CFAP92: variants seen among roughly 807,000 people sequenced by gnomAD.
CFAP92 encodes cilia and flagella associated protein 92 (putative), also known as uncharacterized protein CFAP92.
CFAP92 carries 86 observed loss-of-function variants against 106.3 expected under a neutral mutation model. The ratio of observed to expected loss-of-function variants is 0.81; its 90% CI spans 0.68 to 0.97. The LOEUF (loss-of-function observed/expected upper bound fraction) is 0.97. Ranked by LOEUF, CFAP92 falls within the 50% of genes least tolerant of loss-of-function variation. The pLI is 0.00. For synonymous variants in CFAP92, 477 were observed against 506.4 expected, an observed-to-expected ratio of 0.94 and a Z score of 0.78; for missense variants, 1,204 against 1,283.8, an observed-to-expected ratio of 0.94 and a Z score of 0.95.
intron 12 of CFAP92, among the ~76,000 whole-genome samples, chr3:128,932,372 A>C (rs1195002285): frequency 9.7e-6 from 1 of 103,538 alleles, no homozygotes; most frequent in East Asian, 3.4e-4. Context: ...AGCGTAAGCA[A>C]CATGTTACAC....
At chr3:128,971,244 A>C in intron 8 of CFAP92, 43 bp downstream of exon 8, 1 of 1,613,230 alleles carries the variant, frequency 6.2e-7, no homozygotes, top group Non-Finnish European at 8.5e-7. Context: ...TTCTGGCCAC[A>C]AGACAAGCAG....
intron 9 of CFAP92, among the ~76,000 whole-genome samples, chr3:128,956,977 CAAAAAA>C (rs766884799): frequency 7.0e-5 from 2 of 28,596 alleles, no homozygotes; most frequent in South Asian, 1.5e-3. Context: ...CAGACTCTCT[CAAAAAA>C]AAAAAAAAAA....
intron 1 of CFAP92, among the ~76,000 whole-genome samples, chr3:129,001,354 C>T (rs1348021203): frequency 6.6e-6 from 1 of 152,230 alleles, no homozygotes. Context: ...GGGAGTCACG[C>T]GGAGAAGCCA....
intron 15 of CFAP92, among the ~76,000 whole-genome samples, chr3:128,912,259 G>A (rs964124408): frequency 6.6e-6 from 1 of 152,160 alleles, no homozygotes. Flanking sequence ...AGCAAGTGCC[G>A]GCTCCACCCC....
At chr3:128,929,296 C>G (rs1367087847) in intron 12 of CFAP92, among the ~76,000 whole-genome samples, 2 of 152,132 alleles carry the variant, frequency 1.3e-5, no homozygotes, top group African/African-American at 2.4e-5. Flanking sequence ...AACTAGAACC[C>G]TCATGCATTG....
At chr3:128,975,641 G>T in intron 7 of CFAP92, 138 bp downstream of exon 7, 1 of 724,232 alleles carries the variant, frequency 1.4e-6, no homozygotes, top group Non-Finnish European at 2.2e-6. Flanking sequence ...AGTTGAAAAT[G>T]TATACAGTAC....
At position 128,912,829 on chromosome 3, in the gene CFAP92, G is replaced by GGA. The variant is rs146518015; in HGVS notation, c.3280+2288_3280+2289dup. The GGA allele has an allele frequency of 1.0e-5, 7 of 695,082 alleles. No individual in the cohort carries two copies. The East Asian group carries it at 2.0e-4, about 20-fold the overall frequency. The allele number at this position is 695,082 out of a possible 1,614,324, so 43.1% of individuals were successfully genotyped here. A position where few individuals can be genotyped will look rare whatever the true frequency, so the allele number is the denominator to read the frequency against. On this transcript the variant is annotated intron_variant, in intron 15 of 15. Coordinates refer to ENST00000645291, the MANE Select transcript of CFAP92 (RefSeq NM_001394090.1). ...ACCATCACAGCTTCTGAACTGAGCC[G>GGA]GAGAGAGAGAATGGAATTGCTGACC...
intron 9 of CFAP92, among the ~76,000 whole-genome samples, chr3:128,947,728 T>C (rs1940370471): frequency 6.6e-6 from 1 of 152,172 alleles, no homozygotes; most frequent in African/African-American, 2.4e-5. Flanking sequence ...CCCAGCACTT[T>C]GGGAGGCTGA....
chr3:129,003,505 T>C (rs145386626), upstream of CFAP92, among the ~76,000 whole-genome samples: 40 of 150,318 alleles, frequency 2.7e-4, no homozygotes, highest in Non-Finnish European at 2.2e-4. Context: ...GTTGGTACTA[T>C]AGAGGGAACA....
chr3:128,976,937 G>C lies in CFAP92; in HGVS notation c.896+42C>G, dbSNP rs370894466. On this transcript the variant is annotated intron_variant, in intron 6 of 15. Coordinates refer to ENST00000645291, the MANE Select transcript of CFAP92 (RefSeq NM_001394090.1). Reference sequence around the variant, plus strand: ...GACTCATAGTAGGGCTAGTACAAGAGGGGCTCCACTCCCACCACCCAAAAT... The same window carrying C: ...GACTCATAGTAGGGCTAGTACAAGACGGGCTCCACTCCCACCACCCAAAAT... The C allele has an allele frequency of 3.8e-4, 558 of 1,480,888 alleles. 1 individual carries two copies. Among genetic ancestry groups the C allele is most frequent in the Non-Finnish European group, 4.9e-4 (522 of 1,059,488 alleles). The allele number at this position is 1,480,888 out of a possible 1,614,324, so 91.7% of individuals were successfully genotyped here. A position where few individuals can be genotyped will look rare whatever the true frequency, so the allele number is the denominator to read the frequency against.
chr3:128,956,977 CAAAAA>C (rs766884799), intron 9 of CFAP92, among the ~76,000 whole-genome samples: 1 of 28,596 alleles, frequency 3.5e-5, no homozygotes, highest in African/African-American at 6.6e-5. Flanking sequence ...CAGACTCTCT[CAAAAA>C]AAAAAAAAAA....
At chr3:129,001,275 T>C (rs944081139) in intron 1 of CFAP92, among the ~76,000 whole-genome samples, 8 of 150,138 alleles carry the variant, frequency 5.3e-5, no homozygotes, top group Non-Finnish European at 1.0e-4. Flanking sequence ...GAGTTGAGAG[T>C]GGACGGCCGG....
intron 1 of CFAP92, chr3:129,002,437 C>A: frequency 1.4e-6 from 2 of 1,401,980 alleles, no homozygotes; most frequent in South Asian, 1.5e-5. Flanking sequence ...AGACAGAGGG[C>A]AGCCCCACAC....
upstream of CFAP92, among the ~76,000 whole-genome samples, chr3:129,007,660 A>T (rs902876552): frequency 1.2e-4 from 19 of 152,104 alleles, no homozygotes; most frequent in Non-Finnish European, 2.5e-4. Context: ...TGGGGTTGGG[A>T]GTGGTTTTAC....
upstream of CFAP92, chr3:128,994,136 CG>C (rs1407150305): frequency 1.0e-6 from 1 of 985,642 alleles, no homozygotes. Context: ...CTACGTTTGG[CG>C]GTTGCTAGGA....
At chr3:128,930,036 T>C (rs995567734) in intron 12 of CFAP92, among the ~76,000 whole-genome samples, 5 of 152,182 alleles carry the variant, frequency 3.3e-5, no homozygotes, top group Admixed American at 6.5e-5. Context: ...TCTAAGATAA[T>C]AGGAACATGA....
chr3:129,001,973 T>A, intron 1 of CFAP92: 3 of 1,544,688 alleles, frequency 1.9e-6, no homozygotes, highest in Non-Finnish European at 1.7e-6. Flanking sequence ...ATGCGGCCGC[T>A]GAGTTGGCCA....
the CFAP92 span, among the ~76,000 whole-genome samples, chr3:129,012,224 T>C: frequency 5.3e-5 from 8 of 152,348 alleles, no homozygotes; most frequent in South Asian, 2.1e-4. Flanking sequence ...ATCTGGAGAA[T>C]AGGTTAGTTT....
rs562617724 is a variant in CFAP92, at chr3:128,959,591, A to G, written c.1353+5920T>C. ...AGAGGGAACAAGGAACTCACAGAAT[A>G]AACAGCAGTGCTGAACCTGGTTGGT... is the stretch of plus-strand genomic sequence containing the variant. On this transcript the variant is annotated intron_variant, in intron 9 of 15. Transcript: ENST00000645291. Among the ~76,000 whole-genome samples, 3 of 152,340 alleles carry G rather than the reference A, an allele frequency of 2.0e-5. No individual in the cohort carries two copies. In the South Asian group the frequency reaches 6.2e-4, roughly 32 times the overall value.
Sources: gnomAD v4.1 joint callset for allele counts (sites outside exome capture counted in the v4.1 genomes callset) on GRCh38, gnomAD v4.1.1 for gene constraint, MANE v1.5 for transcripts, NCBI Gene and HGNC (gene_info 2026-07-23, HGNC 2026-07-21) for gene names.